The following WDR13 variants were observed in gnomAD, a reference collection of about 807,000 sequenced individuals.
WDR13 encodes WD repeat-containing protein 13.
WDR13 carries 1 observed loss-of-function variant against 28.6 expected under a neutral mutation model. That is an observed-to-expected ratio of 0.03 (90% CI 0.01 to 0.17). The LOEUF (loss-of-function observed/expected upper bound fraction) is 0.17. WDR13 is among the 10% of genes least tolerant of loss of function. The pLI is 1.00. For synonymous variants in WDR13, 201 were observed against 185.9 expected (o/e 1.08, Z -0.66); for missense variants, 264 against 469.3 (o/e 0.56, Z 4.04).
chrX:48,600,217 T>G, intron 5 of WDR13, 102 bp from the exon 6 acceptor site: 1 of 920,375 alleles, frequency 1.1e-6, no homozygotes, highest in Non-Finnish European at 1.5e-6. Context: ...CTGTTCCTCA[T>G]GCAGTGGGGC....
intron 9 of WDR13, 51 bp from the exon 10 acceptor site, chrX:48,604,797 C>G: frequency 8.5e-7 from 1 of 1,171,488 alleles, no homozygotes; most frequent in African/African-American, 1.7e-5. Flanking sequence ...GGACTTCCCA[C>G]CAGGGGCACC....
At chrX:48,598,195 T>C (rs1477714818) in intron 2 of WDR13, 158 bp downstream of exon 2, 2 of 1,127,028 alleles carry the variant, frequency 1.8e-6, no homozygotes, top group African/African-American at 3.7e-5. Flanking sequence ...CCGCGGTGAG[T>C]TGGCTGCGCC....
At chrX:48,604,670 A>G (rs933986434) in intron 9 of WDR13, among the ~76,000 whole-genome samples, 178 bp from the exon 10 acceptor site, 4 of 112,535 alleles carry the variant, frequency 3.6e-5, no homozygotes, top group African/African-American at 9.7e-5. Flanking sequence ...TTCTGCACAC[A>G]GTACCAAAAC....
chrX:48,598,529 C>T (rs2062158784), intron 2 of WDR13, 188 bp from the exon 3 acceptor site: 1 of 1,059,230 alleles, frequency 9.4e-7, no homozygotes, highest in Admixed American at 4.4e-5. Context: ...CATGACCATG[C>T]TCATTATTAC....
At chrX:48,600,192 C>A in intron 5 of WDR13, 127 bp from the exon 6 acceptor site, 1 of 680,693 alleles carries the variant, frequency 1.5e-6, no homozygotes, top group Non-Finnish European at 2.1e-6. Flanking sequence ...CAAGGAAAGC[C>A]CTTTGCTGAG....
At chrX:48,598,625 C>T (rs1299265710) in intron 2 of WDR13, 92 bp from the exon 3 acceptor site, 1 of 1,103,207 alleles carries the variant, frequency 9.1e-7, no homozygotes, top group Non-Finnish European at 1.2e-6. Flanking sequence ...GTCACTGCCA[C>T]ACACCTCACT....
rs1350743944 is a variant in WDR13 at position 48,600,416 on chromosome X, C to T, written c.621C>T (p.Pro207=). The change falls in exon 6 of 10, where the codon CCC becomes CCT. Residue 207 remains proline, a synonymous_variant. Transcript: ENST00000376729. ...TGTGCCAGCTGGTGCCTGCCCCACCCACAGTGCTTCGCGTGCTACGGGGCC... is the reference window on the plus strand; with the variant it reads ...TGTGCCAGCTGGTGCCTGCCCCACCTACAGTGCTTCGCGTGCTACGGGGCC... ...ISLCQLVPAP[P]TVLRVLRGHT... 2.2e-5 allele frequency: 27 copies of T among 1,211,238 alleles called. No homozygotes were observed. In the Admixed American group the frequency reaches 5.9e-4, roughly 26 times the overall value.
rs2062228600 is a variant in WDR13 at position 48,607,462 on chromosome X, G to A, written c.*2430G>A. ...GGCTCACTGCAGCCTCCACCTCCTG[G>A]GTTCAAGCGATCCTCGGGCCTCAGC... On this transcript the variant is annotated 3_prime_UTR_variant, in exon 10 of 10. Transcript: ENST00000376729. 2.0e-5 allele frequency: 2 copies of A among 98,227 alleles called. No individual in the cohort carries two copies. Among genetic ancestry groups the A allele is most frequent in the African/African-American group, 7.4e-5 (2 of 26,983 alleles). The allele number at this position is 98,227 out of a possible 1,213,427, so 8.1% of individuals were successfully genotyped here. A position where few individuals can be genotyped will look rare whatever the true frequency, so the allele number is the denominator to read the frequency against.
chrX:48,605,450 G>T lies in WDR13; in HGVS notation c.*418G>T. On this transcript the variant is annotated 3_prime_UTR_variant, in exon 10 of 10. Transcript: ENST00000376729. ...AGACAGTAGATAAAAACATGGAACAGGCCAGCTAATGATGAGTGGTATGAA... is the reference window on the plus strand; with the variant it reads ...AGACAGTAGATAAAAACATGGAACATGCCAGCTAATGATGAGTGGTATGAA... The T allele has an allele frequency of 7.6e-6, 1 of 131,950 alleles. No individual in the cohort carries two copies. The highest frequency in any genetic ancestry group is 2.0e-4 in the East Asian group (1 of 4,972). 10.9% of individuals were successfully genotyped at this position (131,950 alleles called of 1,213,427 possible).
intron 8 of WDR13, 129 bp downstream of exon 8, chrX:48,602,335 G>A (rs958796305): frequency 5.2e-6 from 4 of 771,882 alleles, no homozygotes; most frequent in African/African-American, 2.1e-5. Context: ...AGTAATAGCA[G>A]TAGTGAGCGC....
At chrX:48,604,785 A>G (rs943311043) in intron 9 of WDR13, 63 bp from the exon 10 acceptor site, 12 of 1,137,999 alleles carry the variant, frequency 1.1e-5, no homozygotes, top group Non-Finnish European at 1.3e-5. Context: ...CAGACACCTC[A>G]GGGACTTCCC....
Position 48,598,057 on chromosome X carries a change from C to T in WDR13, c.41+20C>T. 1 of 1,163,015 alleles carries T rather than the reference C, an allele frequency of 8.6e-7. No homozygotes were observed. The highest frequency in any genetic ancestry group is 1.1e-6 in the Non-Finnish European group (1 of 871,179). ...CGCGAGGTGAGGCGTGGGGTCAAAG[C>T]CCATGGGAGCAGAACTTACTGTGGT... On this transcript the variant is annotated intron_variant, in intron 2 of 9. Transcript: ENST00000376729.
At chrX:48,604,781 C>A in intron 9 of WDR13, 67 bp from the exon 10 acceptor site, 1 of 1,122,383 alleles carries the variant, frequency 8.9e-7, no homozygotes, top group Non-Finnish European at 1.2e-6. Flanking sequence ...ACCTCAGACA[C>A]CTCAGGGACT....
chrX:48,599,483 A>G (rs1475278376), intron 4 of WDR13, 21 bp downstream of exon 4: 1 of 1,205,628 alleles, frequency 8.3e-7, no homozygotes, highest in African/African-American at 1.7e-5. Flanking sequence ...GAGGCAGCCA[A>G]GGCGGGGGGC....
chrX:48,597,744 GA>G (rs1175177998), intron 1 of WDR13, 130 bp downstream of exon 1: 34 of 369,088 alleles, frequency 9.2e-5, no homozygotes, highest in African/African-American at 2.2e-4. Flanking sequence ...GGCGACTGGG[GA>G]GGGGCGGTGT....
In WDR13 at chrX:48,599,021, T is replaced by C. The variant is rs1484450989; in HGVS notation, c.282+64T>C. On this transcript the variant is annotated intron_variant, in intron 3 of 9. Transcript: ENST00000376729. The stretch of plus-strand genomic sequence containing the variant: ...CCTGCACACATTCACTCCACTGACT[T>C]TCATCAAGCACCTGCTCTTTGCTGG... 1.0e-5 allele frequency: 12 copies of C among 1,146,717 alleles called. No individual in the cohort carries two copies. The African/African-American group carries it at 2.0e-4, about 19-fold the overall frequency. The allele number at this position is 1,146,717 out of a possible 1,213,427, so 94.5% of individuals were successfully genotyped here. A position where few individuals can be genotyped will look rare whatever the true frequency, so the allele number is the denominator to read the frequency against.
rs782757186 is a variant in WDR13, at chrX:48,601,700, C to T, written c.832-84C>T. ...TAGACTCTAATAGGGACCAGCCAGT[C>T]GCATCAACAGCAGCCCCACTGTGGT... On this transcript the variant is annotated intron_variant, in intron 6 of 9. Transcript: ENST00000376729. 13 of 973,828 alleles carry T rather than the reference C, an allele frequency of 1.3e-5. No individual in the cohort carries two copies. The African/African-American group carries it at 1.4e-4, about 10-fold the overall frequency. The allele number at this position is 973,828 out of a possible 1,213,427, so 80.3% of individuals were successfully genotyped here.
In WDR13 at chrX:48,602,004, C is replaced by T. The variant is rs782546071; in HGVS notation, c.1012+40C>T. The T allele has an allele frequency of 5.0e-6, 6 of 1,195,246 alleles. No homozygotes were observed. In the South Asian group the frequency reaches 9.0e-5, roughly 18 times the overall value. The stretch of plus-strand genomic sequence containing the variant: ...GGCCTGCATCTGGGTGCTCGCCCTC[C>T]AGCCCTCCCAGGGCACAGCCCTCAC... On this transcript the variant is annotated intron_variant, in intron 7 of 9. Transcript: ENST00000376729.
chrX:48,597,827 C>T (rs979782185), intron 1 of WDR13, 131 bp from the exon 2 acceptor site: 45 of 873,423 alleles, frequency 5.2e-5, no homozygotes, highest in Non-Finnish European at 6.8e-5. Context: ...ACCATGGTAA[C>T]ACCCGGGGGG....
Sources: allele counts gnomAD v4.1 joint callset (sites outside exome capture counted in the v4.1 genomes callset), GRCh38; gene constraint gnomAD v4.1.1; transcripts MANE v1.5; gene names NCBI Gene and HGNC (gene_info 2026-07-23, HGNC 2026-07-21).